Variants in NBPF12 observed in about 807,000 individuals in gnomAD.
The protein encoded by NBPF12 is NBPF family member NBPF12.
NBPF12 carries 115 observed loss-of-function variants against 146.4 expected under a neutral mutation model. The observed-to-expected ratio is 0.79, with a 90% CI of 0.68 to 0.92. The LOEUF is 0.92. Among genes scored for constraint, NBPF12 ranks in the 40% least tolerant of loss-of-function variants. The pLI, the probability that NBPF12 is intolerant of heterozygous loss-of-function variation, is 0.00. For synonymous variants in NBPF12, 385 were observed against 508.9 expected (o/e 0.76, Z 3.28); for missense variants, 1,205 against 1,326.8 (o/e 0.91, Z 1.43).
chr1:146,984,263 T>A, intron 21 of NBPF12, 78 bp downstream of exon 24: 1 of 828,890 alleles, frequency 1.2e-6, no homozygotes, highest in South Asian at 1.3e-5. Flanking sequence ...CAGTACACGC[T>A]GAAAATAATG....
At chr1:146,982,782 G>A (rs1657477717) in intron 19 of NBPF12, 146 bp from the exon 23 acceptor site, 8 of 1,306,732 alleles carry the variant, frequency 6.1e-6, no homozygotes, top group African/African-American at 1.5e-5. Flanking sequence ...GTATTTAGAA[G>A]GATAGTTTTA....
At chr1:146,939,826 A>G (rs1654715513) in intron 1 of NBPF12, among the ~76,000 whole-genome samples, 1 of 151,866 alleles carries the variant, frequency 6.6e-6, no homozygotes, top group South Asian at 2.1e-4. Context: ...TACTGAAAAT[A>G]CAAAAAATTA....
intron 13 of NBPF12, 50 bp from the exon 17 acceptor site, chr1:146,972,701 T>A: frequency 7.3e-7 from 1 of 1,378,754 alleles, no homozygotes; most frequent in South Asian, 1.2e-5. Flanking sequence ...TAAGCCTATT[T>A]CATTTCATCA....
chr1:146,967,803 A>C (rs1553885818), intron 9 of NBPF12, among the ~76,000 whole-genome samples: 46,093 of 147,672 alleles, frequency 0.31, 8,331 homozygotes, highest in Admixed American at 0.43. Flanking sequence ...TGTCAATCTC[A>C]TAGAACGTTT....
intron 7 of NBPF12, 92 bp from the exon 11 acceptor site, chr1:146,964,799 CTT>C (rs1656085096): frequency 1.9e-6 from 3 of 1,593,746 alleles, no homozygotes; most frequent in Admixed American, 1.7e-5. Context: ...GGACCACTCT[CTT>C]AATGCCGCCT....
chr1:146,994,609 G>T, exon 34 of NBPF12: 2 of 1,588,784 alleles, frequency 1.3e-6, no homozygotes, highest in South Asian at 1.1e-5. Flanking sequence ...TTTCATTCCT[G>T]CAGGCAGGAC....
At chr1:146,968,679 T>C (rs1553885953) in intron 10 of NBPF12, 129 bp downstream of exon 13, 18 of 796,084 alleles carry the variant, frequency 2.3e-5, no homozygotes, top group Middle Eastern at 3.7e-4. Flanking sequence ...GCAGGCTCGC[T>C]ACACACAAAT....
chr1:146,962,738 A>G (rs1448978204), intron 5 of NBPF12, among the ~76,000 whole-genome samples: 15 of 148,178 alleles, frequency 1.0e-4, no homozygotes, highest in Admixed American at 6.1e-4. Context: ...ATGGCTTTGT[A>G]TCTAGTGGCC....
chr1:146,984,321 T>G, intron 21 of NBPF12, 136 bp downstream of exon 24: 1 of 716,032 alleles, frequency 1.4e-6, no homozygotes, highest in Admixed American at 2.0e-5. Context: ...GCATTGTTTT[T>G]TGGTTCTCAT....
intron 31 of NBPF12, 74 bp from the exon 35 acceptor site, chr1:146,992,638 C>T (rs1658276905): frequency 9.0e-6 from 7 of 775,100 alleles, no homozygotes; most frequent in African/African-American, 1.6e-5. Context: ...CTTATGCTAC[C>T]CATGAAACCT....
At chr1:146,973,870 G>A (rs1656817581) in intron 14 of NBPF12, among the ~76,000 whole-genome samples, 1 of 149,580 alleles carries the variant, frequency 6.7e-6, no homozygotes, top group Non-Finnish European at 1.5e-5. Flanking sequence ...CTGGGGCACA[G>A]AGTCTTGTTC....
At position 146,963,308 on chromosome 1, in the gene NBPF12, A is replaced by G. The variant is rs1187455261; in HGVS notation, c.492A>G (p.Pro164=). 117 of 1,611,888 alleles carry G rather than the reference A, an allele frequency of 7.3e-5. 1 individual carries two copies. In the African/African-American group the frequency reaches 1.4e-3, roughly 19 times the overall value. ...AGCAACTTGTCCAAAAGCTCAGCCCAGGTAAGGTGGCCATAGGCCCTGATG... is the reference window on the plus strand; with the variant it reads ...AGCAACTTGTCCAAAAGCTCAGCCCGGGTAAGGTGGCCATAGGCCCTGATG... Residue 164 remains proline, a splice_region_variant and synonymous_variant, in exon 6 of 34, where the codon CCA becomes CCG. Transcript: ENST00000617844.
At chr1:146,940,555 CAAA>C (rs1176310781) in intron 1 of NBPF12, among the ~76,000 whole-genome samples, 80 of 133,622 alleles carry the variant, frequency 6.0e-4, no homozygotes, top group African/African-American at 1.6e-3. Context: ...AACCCTGCCT[CAAA>C]AAAAAAAAAA....
chr1:146,940,832 A>G (rs1654766572), intron 1 of NBPF12, among the ~76,000 whole-genome samples: 1 of 151,880 alleles, frequency 6.6e-6, no homozygotes, highest in African/African-American at 2.4e-5. Flanking sequence ...TAATATATCA[A>G]TGCGGTTTCA....
upstream of NBPF12, among the ~76,000 whole-genome samples, chr1:146,947,898 C>T (rs1655143380): frequency 6.6e-6 from 1 of 151,830 alleles, no homozygotes; most frequent in Non-Finnish European, 1.5e-5. Flanking sequence ...TGTTACCAAA[C>T]CTTGTCTGGT....
At chr1:146,953,536 T>G (rs1472759783) in intron 2 of NBPF12, among the ~76,000 whole-genome samples, 4 of 144,628 alleles carry the variant, frequency 2.8e-5, no homozygotes, top group African/African-American at 1.0e-4. Flanking sequence ...AAATATCATT[T>G]TATATATTAT....
At chr1:146,983,408 A>G in intron 20 of NBPF12, 1 of 551,422 alleles carries the variant, frequency 1.8e-6, no homozygotes, top group Non-Finnish European at 3.1e-6. Flanking sequence ...TGTCTGTCAG[A>G]TCAGCTCATC....
At chr1:146,978,075 A>T (rs1457075731) in intron 18 of NBPF12, among the ~76,000 whole-genome samples, 1 of 151,570 alleles carries the variant, frequency 6.6e-6, no homozygotes, top group Non-Finnish European at 1.5e-5. Context: ...CCCAGGCTTC[A>T]CTGCTCTCAG....
At position 146,962,264 on chromosome 1, in the gene NBPF12, G is replaced by C; in HGVS notation, c.278+1G>C. 4 of 1,603,360 alleles carry C rather than the reference G, an allele frequency of 2.5e-6. No homozygotes were observed. The highest frequency in any genetic ancestry group is 1.7e-5 in the Admixed American group (1 of 60,020). On this transcript the variant is annotated splice_donor_variant, in intron 5 of 33. Coordinates refer to ENST00000617844, the Ensembl canonical transcript of NBPF12. LOFTEE classifies it high-confidence loss of function. ...AGCTGAAACAAGCTGAGGAGCTCAG[G>C]TGAGGGGACCCCATGGGGGGAGGCA...
Sources: allele counts gnomAD v4.1 joint callset (sites outside exome capture counted in the v4.1 genomes callset), GRCh38; gene constraint gnomAD v4.1.1; transcripts MANE v1.5; gene names NCBI Gene and HGNC (gene_info 2026-07-23, HGNC 2026-07-21).